Variants in SKAP1 observed in about 807,000 individuals in gnomAD.
The protein encoded by SKAP1 is src kinase associated phosphoprotein 1.
Under a neutral mutation model 58.5 loss-of-function variants are expected in SKAP1, and 44 were observed. The ratio of observed to expected loss-of-function variants is 0.75; its 90% CI spans 0.59 to 0.97. The LOEUF is 0.97. Among genes scored for constraint, SKAP1 ranks in the 50% least tolerant of loss-of-function variants. The probability of loss-of-function intolerance (pLI) is 0.00; values close to 1 mark genes in which losing one functional copy is unlikely to be tolerated. For missense variants in SKAP1, 390 were observed against 435.2 expected (o/e 0.90, Z 0.92); for synonymous variants, 127 against 149.7 (o/e 0.85, Z 1.11).
At chr17:48,158,910 G>C (rs1254995170) in intron 11 of SKAP1, among the ~76,000 whole-genome samples, 4 of 151,442 alleles carry the variant, frequency 2.6e-5, no homozygotes, top group Non-Finnish European at 5.9e-5. Context: ...GCAGTGAGCC[G>C]AGATCGCGCC....
intron 4 of SKAP1, among the ~76,000 whole-genome samples, chr17:48,190,979 C>T (rs1298365108): frequency 6.6e-6 from 1 of 152,114 alleles, no homozygotes; most frequent in Admixed American, 6.6e-5. Flanking sequence ...GATGAGACTT[C>T]GTCTCAAAAC....
At chr17:48,310,099 G>T (rs958739561) in intron 4 of SKAP1, among the ~76,000 whole-genome samples, 2 of 152,198 alleles carry the variant, frequency 1.3e-5, no homozygotes, top group Admixed American at 6.5e-5. Flanking sequence ...AGTTTTTGCT[G>T]CATGCACCAA....
chr17:48,288,186 G>T (rs2065856005), intron 4 of SKAP1, among the ~76,000 whole-genome samples: 1 of 152,174 alleles, frequency 6.6e-6, no homozygotes, highest in Non-Finnish European at 1.5e-5. Context: ...ATTTAATGAA[G>T]GCGTGTTCTG....
In SKAP1 at chr17:48,356,312, G is replaced by C. The variant is rs572424949; in HGVS notation, c.178+7477C>G. Among the ~76,000 whole-genome samples, 7 of 152,210 alleles carry C rather than the reference G, an allele frequency of 4.6e-5. No homozygotes were observed. In the East Asian group the frequency reaches 9.6e-4, roughly 21 times the overall value. On this transcript the variant is annotated intron_variant, in intron 3 of 12. Transcript: ENST00000336915. The stretch of plus-strand genomic sequence containing the variant: ...GATAGATAGATAGATGAAAACTTGA[G>C]TGGGTAAGAAACTGCTAATCATGAT...
chr17:48,156,501 TC>T (rs745577400), intron 11 of SKAP1: 2 of 525,800 alleles, frequency 3.8e-6, no homozygotes, highest in East Asian at 1.1e-4. Flanking sequence ...GCATCCTGGC[TC>T]CGGGGAGGAA....
At chr17:48,341,693 C>A (rs944741054) in intron 4 of SKAP1, among the ~76,000 whole-genome samples, 1 of 152,142 alleles carries the variant, frequency 6.6e-6, no homozygotes, top group African/African-American at 2.4e-5. Context: ...CATTACTACT[C>A]TTTTCCAGTG....
intron 4 of SKAP1, among the ~76,000 whole-genome samples, chr17:48,228,562 T>A (rs924824999): frequency 3.9e-5 from 6 of 152,218 alleles, no homozygotes; most frequent in African/African-American, 1.4e-4. Flanking sequence ...GTGTTAGAAC[T>A]GAGGAAATAG....
chr17:48,398,807 G>T (rs2067455695), intron 1 of SKAP1, among the ~76,000 whole-genome samples: 1 of 152,172 alleles, frequency 6.6e-6, no homozygotes, highest in Admixed American at 6.5e-5. Flanking sequence ...GGATCATGAG[G>T]TCAGGAGATT....
At chr17:48,281,434 T>C (rs975512070) in intron 4 of SKAP1, among the ~76,000 whole-genome samples, 6 of 152,226 alleles carry the variant, frequency 3.9e-5, no homozygotes, top group Admixed American at 1.3e-4. Flanking sequence ...CTGCTCCTAG[T>C]GCCTGTGATG....
intron 4 of SKAP1, among the ~76,000 whole-genome samples, chr17:48,231,265 T>G (rs1464043697): frequency 2.6e-5 from 4 of 152,170 alleles, no homozygotes; most frequent in Non-Finnish European, 1.5e-5. Context: ...CTTAAATTAT[T>G]CTATTATGCT....
intron 4 of SKAP1, among the ~76,000 whole-genome samples, chr17:48,193,176 G>A (rs1216384559): frequency 6.6e-6 from 1 of 152,104 alleles, no homozygotes; most frequent in Non-Finnish European, 1.5e-5. Context: ...CAAGTAGCTG[G>A]GATTACAGGC....
chr17:48,336,530 G>C (rs1035312536), intron 4 of SKAP1, among the ~76,000 whole-genome samples: 1 of 152,098 alleles, frequency 6.6e-6, no homozygotes, highest in African/African-American at 2.4e-5. Context: ...CAATATAAAT[G>C]AATTAGGGGA....
At chr17:48,259,572 G>C (rs1341314788) in intron 4 of SKAP1, among the ~76,000 whole-genome samples, 1 of 152,138 alleles carries the variant, frequency 6.6e-6, no homozygotes, top group African/African-American at 2.4e-5. Flanking sequence ...CTATAGCAAT[G>C]TAATTCGAAT....
rs182770128 is a variant in SKAP1, at chr17:48,429,071, G to T, written c.46+1004C>A. On this transcript the variant is annotated intron_variant, in intron 1 of 12. Transcript: ENST00000336915. The stretch of plus-strand genomic sequence containing the variant: ...AGATATAAAACCAATTAAATTGAGA[G>T]AAACTGAAAAAAAATACTGCTTGCC... Among the ~76,000 whole-genome samples the T allele has an allele frequency of 1.4e-4, 22 of 152,176 alleles. No individual in the cohort carries two copies. The Middle Eastern group carries it at 0.01, about 71-fold the overall frequency.
intron 11 of SKAP1, among the ~76,000 whole-genome samples, chr17:48,150,279 G>A (rs953602165): frequency 2.1e-4 from 32 of 152,166 alleles, no homozygotes; most frequent in African/African-American, 7.2e-4. Flanking sequence ...TAATTCTGAG[G>A]ATTATCTTGT....
chr17:48,433,762 G>C (rs957604867), upstream of SKAP1, among the ~76,000 whole-genome samples: 14 of 152,208 alleles, frequency 9.2e-5, no homozygotes, highest in African/African-American at 3.4e-4. Flanking sequence ...TGTCCACCGG[G>C]ACCCTTCACG....
chr17:48,405,438 T>C (rs200321867), intron 1 of SKAP1, among the ~76,000 whole-genome samples: 9 of 85,664 alleles, frequency 1.1e-4, no homozygotes, highest in African/African-American at 2.7e-4. Flanking sequence ...TCTTTCTTTC[T>C]TTCTTTCTTT....
At chr17:48,339,387 T>C (rs536533346) in intron 4 of SKAP1, among the ~76,000 whole-genome samples, 1 of 152,306 alleles carries the variant, frequency 6.6e-6, no homozygotes, top group South Asian at 2.1e-4. Flanking sequence ...TATCTTCATA[T>C]CATAGAATAA....
chr17:48,145,588 C>T (rs2063822769), intron 11 of SKAP1, among the ~76,000 whole-genome samples: 1 of 152,124 alleles, frequency 6.6e-6, no homozygotes, highest in African/African-American at 2.4e-5. Context: ...CAGAGCTCCT[C>T]CTGTCACAGG....
Sources: gnomAD v4.1 joint callset for allele counts (sites outside exome capture counted in the v4.1 genomes callset) on GRCh38, gnomAD v4.1.1 for gene constraint, MANE v1.5 for transcripts, NCBI Gene and HGNC (gene_info 2026-07-23, HGNC 2026-07-21) for gene names.